The following NHLRC2 variants were observed in gnomAD, a reference collection of about 807,000 sequenced individuals.
NHLRC2 encodes the protein NHL repeat containing 2.
Under a neutral mutation model 68.1 loss-of-function variants are expected in NHLRC2, and 33 were observed. The ratio of observed to expected loss-of-function variants is 0.48; its 90% CI spans 0.37 to 0.65. The LOEUF is 0.65. Among genes scored for constraint, NHLRC2 ranks in the 30% least tolerant of loss-of-function variants. NHLRC2 has a pLI of 0.00. For missense variants in NHLRC2, 761 were observed against 853.8 expected (o/e 0.89, Z 1.35); for synonymous variants, 311 against 309.6 (o/e 1.00, Z -0.05).
At position 113,915,620 on chromosome 10, in the gene NHLRC2, G is replaced by GT. The variant is rs887131300; in HGVS notation, c.*7093dup. On this transcript the variant is annotated 3_prime_UTR_variant, in exon 11 of 11. Transcript: ENST00000369301. The stretch of plus-strand genomic sequence containing the variant: ...GACTTAACTCTCCCCAATTAAAATA[G>GT]TTTTTTTTTCCCTTCCCATTTTTTT... The GT allele has an allele frequency of 9.4e-4, 207 of 221,346 alleles. No individual in the cohort carries two copies. Among genetic ancestry groups the GT allele is most frequent in the South Asian group, 2.3e-3 (36 of 15,980 alleles). The allele number at this position is 221,346 out of a possible 1,614,324, so 13.7% of individuals were successfully genotyped here. A position where few individuals can be genotyped will look rare whatever the true frequency, so the allele number is the denominator to read the frequency against.
At chr10:113,893,162 C>T (rs750866947) in intron 5 of NHLRC2, among the ~76,000 whole-genome samples, 12 of 152,190 alleles carry the variant, frequency 7.9e-5, no homozygotes, top group Admixed American at 2.0e-4. Context: ...CTATGCATCC[C>T]GGAGTAGGAG....
At position 113,917,163 on chromosome 10, in the gene NHLRC2, C is replaced by T. The variant is rs1263334377; in HGVS notation, c.*8627C>T. ...TTTCTAAAGCTTTGTACATTTTTTT[C>T]GTGAAATAGATTAAATATTTTCTCT... On this transcript the variant is annotated 3_prime_UTR_variant, in exon 11 of 11. Coordinates refer to ENST00000369301, the MANE Select transcript of NHLRC2 (RefSeq NM_198514.4). 1.3e-5 allele frequency: 2 copies of T among 151,912 alleles called. No homozygotes were observed. The highest frequency in any genetic ancestry group is 2.9e-5 in the Non-Finnish European group (2 of 67,954). The allele number at this position is 151,912 out of a possible 1,614,324, so 9.4% of individuals were successfully genotyped here. A position where few individuals can be genotyped will look rare whatever the true frequency, so the allele number is the denominator to read the frequency against.
chr10:113,884,551 G>GAT (rs759989406), intron 5 of NHLRC2, among the ~76,000 whole-genome samples, 171 bp downstream of exon 5: 41 of 150,840 alleles, frequency 2.7e-4, no homozygotes, highest in Middle Eastern at 3.5e-3. Flanking sequence ...CAGTAATATA[G>GAT]ATATATATAT....
intron 5 of NHLRC2, among the ~76,000 whole-genome samples, chr10:113,885,686 A>T (rs771898596): frequency 5.9e-5 from 9 of 152,058 alleles, no homozygotes; most frequent in Admixed American, 3.9e-4. Flanking sequence ...AAATATAGCA[A>T]GGGATATTTT....
At position 113,901,726 on chromosome 10, in the gene NHLRC2, C is replaced by T. The variant is rs755174929; in HGVS notation, c.1200C>T (p.Asn400=). Residue 400 remains asparagine, a synonymous_variant, in exon 7 of 11, where the codon AAC becomes AAT. Coordinates refer to ENST00000369301, the MANE Select transcript of NHLRC2 (RefSeq NM_198514.4). The stretch of plus-strand genomic sequence containing the variant: ...GAAGTGGAAATGAAGAGAATCGAAA[C>T]AATGCCTATCCTCACAAGGCAGGTT... ...FAGSGNEENR[N]NAYPHKAGFA... 2.5e-6 allele frequency: 4 copies of T among 1,614,040 alleles called. No individual in the cohort carries two copies. Among genetic ancestry groups the T allele is most frequent in the Non-Finnish European group, 2.5e-6 (3 of 1,179,996 alleles).
intron 3 of NHLRC2, among the ~76,000 whole-genome samples, chr10:113,879,124 TTGGACTCC>T (rs1380844329): frequency 6.6e-6 from 1 of 152,202 alleles, no homozygotes; most frequent in Non-Finnish European, 1.5e-5. Flanking sequence ...TCTGGGGTCC[TTGGACTCC>T]TGAGAGTCTT....
intron 2 of NHLRC2, among the ~76,000 whole-genome samples, chr10:113,861,212 C>T (rs1375511374): frequency 6.6e-6 from 1 of 152,076 alleles, no homozygotes; most frequent in African/African-American, 2.4e-5. Flanking sequence ...CCTTGGAACA[C>T]CATCAATCAG....
chr10:113,888,270 T>A (rs1473572988), intron 5 of NHLRC2, among the ~76,000 whole-genome samples: 1 of 152,200 alleles, frequency 6.6e-6, no homozygotes, highest in African/African-American at 2.4e-5. Context: ...CTTGTAGTTA[T>A]TAATGTGTAT....
At chr10:113,871,193 T>G (rs1268312884) in intron 2 of NHLRC2, among the ~76,000 whole-genome samples, 1 of 151,990 alleles carries the variant, frequency 6.6e-6, no homozygotes, top group East Asian at 1.9e-4. Flanking sequence ...CCCGGCTAAT[T>G]TTGTATTTTT....
rs529701767 is a variant in NHLRC2, at chr10:113,858,046, C to CTTT, written c.179-469_179-467dup. ...TTCATTTACTATTTGATATTTCTTCCTTTTTTTTTTTTTTTGCCTAAGTGT... is the reference window on the plus strand; with the variant it reads ...TTCATTTACTATTTGATATTTCTTCCTTTTTTTTTTTTTTTTTTGCCTAAGTGT... On this transcript the variant is annotated intron_variant, in intron 1 of 10. Transcript: ENST00000369301. Among the ~76,000 whole-genome samples, 250 of 131,646 alleles carry CTTT rather than the reference C, an allele frequency of 1.9e-3. 2 individuals carry two copies. Among genetic ancestry groups the CTTT allele is most frequent in the African/African-American group, 6.7e-3 (241 of 36,004 alleles). The allele number at this position is 131,646 out of a possible 152,430, so 86.4% of individuals were successfully genotyped here.
rs1846346442 is a variant in NHLRC2 at position 113,913,291 on chromosome 10, A to G, written c.*4755A>G. Reference sequence around the variant, plus strand: ...ATCTTTCATAACTTTATATATTTATAGTAACTTAATCCAAAGAACCCCAAA... The same window carrying G: ...ATCTTTCATAACTTTATATATTTATGGTAACTTAATCCAAAGAACCCCAAA... On this transcript the variant is annotated 3_prime_UTR_variant, in exon 11 of 11. Coordinates refer to ENST00000369301, the MANE Select transcript of NHLRC2 (RefSeq NM_198514.4). 1 of 152,232 alleles carries G rather than the reference A, an allele frequency of 6.6e-6. No individual in the cohort carries two copies. The highest frequency in any genetic ancestry group is 2.4e-5 in the African/African-American group (1 of 41,454). The allele number at this position is 152,232 out of a possible 1,614,324, so 9.4% of individuals were successfully genotyped here. A position where few individuals can be genotyped will look rare whatever the true frequency, so the allele number is the denominator to read the frequency against.
At chr10:113,862,893 C>T (rs757335552) in intron 2 of NHLRC2, among the ~76,000 whole-genome samples, 14 of 152,196 alleles carry the variant, frequency 9.2e-5, no homozygotes, top group Non-Finnish European at 1.6e-4. Flanking sequence ...GTAATCCCAG[C>T]TACTCAGGAG....
At chr10:113,907,061 T>G (rs985455789) in intron 10 of NHLRC2, among the ~76,000 whole-genome samples, 3 of 152,148 alleles carry the variant, frequency 2.0e-5, no homozygotes, top group Non-Finnish European at 4.4e-5. Flanking sequence ...TAAAAGATAC[T>G]CTCTAACCCA....
chr10:113,898,161 A>T lies in NHLRC2; in HGVS notation c.1091A>T (p.His364Leu). The T allele has an allele frequency of 6.2e-7, 1 of 1,613,266 alleles. No individual in the cohort carries two copies. ...TTATGGATAGCCATGGCAGGGACTC[A>T]TCAGATATGGGCACTCCTGCTGGAC... is the stretch of plus-strand genomic sequence containing the variant. ...DILWIAMAGT[H>L]QIWALLLDSG... Residue 364 changes from histidine (H) to leucine (L), a missense_variant, in exon 6 of 11, where the codon CAT becomes CTT. Coordinates refer to ENST00000369301, the MANE Select transcript of NHLRC2 (RefSeq NM_198514.4).
chr10:113,874,630 A>G (rs1418822400), intron 2 of NHLRC2, among the ~76,000 whole-genome samples: 1 of 152,060 alleles, frequency 6.6e-6, no homozygotes, highest in Non-Finnish European at 1.5e-5. Flanking sequence ...GACATTACTC[A>G]GTTATTTTTT....
At chr10:113,865,539 T>C (rs1589535688) in intron 2 of NHLRC2, among the ~76,000 whole-genome samples, 1 of 151,650 alleles carries the variant, frequency 6.6e-6, no homozygotes, top group East Asian at 1.9e-4. Flanking sequence ...AGAATGCCAT[T>C]GTGATAAGTG....
chr10:113,901,875 TAGG>T lies in NHLRC2; in HGVS notation c.1355_1357del (p.Gly452del). The T allele has an allele frequency of 6.2e-7, 1 of 1,613,126 alleles. No homozygotes were observed. Among genetic ancestry groups the T allele is most frequent in the Non-Finnish European group, 8.5e-7 (1 of 1,179,140 alleles). On this transcript the variant is annotated inframe_deletion, in exon 7 of 11. Coordinates refer to ENST00000369301, the MANE Select transcript of NHLRC2 (RefSeq NM_198514.4). ...AAAGATGGAGCAGTGAAGCACCTCG[TAGG>T]AGGAGAAAGAGACCCCATGGTAATG...
intron 4 of NHLRC2, among the ~76,000 whole-genome samples, chr10:113,880,321 G>C (rs754386436): frequency 5.3e-5 from 8 of 151,506 alleles, no homozygotes; most frequent in Non-Finnish European, 1.2e-4. Context: ...CAAATGTAAT[G>C]ATGCTATGCA....
rs1438373708 is a variant in NHLRC2, at chr10:113,915,265, T to C, written c.*6729T>C. ...CTATTTGCAAACATACTTCCCTACC[T>C]GTACAAGCAGCCATATACTAAAAAG... On this transcript the variant is annotated 3_prime_UTR_variant, in exon 11 of 11. Transcript: ENST00000369301. 2.2e-6 allele frequency: 1 copy of C among 456,212 alleles called. No individual in the cohort carries two copies. Among genetic ancestry groups the C allele is most frequent in the Non-Finnish European group, 4.4e-6 (1 of 226,930 alleles). 28.3% of individuals were successfully genotyped at this position (456,212 alleles called of 1,614,324 possible). A position where few individuals can be genotyped will look rare whatever the true frequency, so the allele number is the denominator to read the frequency against.
Sources: gnomAD v4.1 joint callset for allele counts (sites outside exome capture counted in the v4.1 genomes callset) on GRCh38, gnomAD v4.1.1 for gene constraint, MANE v1.5 for transcripts, NCBI Gene and HGNC (gene_info 2026-07-23, HGNC 2026-07-21) for gene names.